Variants in METAP1 observed in about 807,000 individuals in gnomAD.
METAP1 encodes the protein methionine aminopeptidase 1.
A neutral mutation model predicts 53.8 loss-of-function variants in METAP1; 28 were observed. The ratio of observed to expected loss-of-function variants is 0.52; its 90% confidence interval spans 0.39 to 0.71. The LOEUF is 0.71. Among genes scored for constraint, METAP1 ranks in the 30% least tolerant of loss-of-function variants. The pLI is 0.00. For synonymous variants in METAP1, 181 were observed against 165.7 expected (o/e 1.09, Z -0.71); for missense variants, 389 against 479.8 (o/e 0.81, Z 1.77).
At chr4:99,037,635 A>G (rs892783803) in intron 4 of METAP1, 9 of 151,856 alleles carry the variant, frequency 5.9e-5, no homozygotes, top group Admixed American at 2.6e-4. Flanking sequence ...CTTTAGGTCT[A>G]TTTCTGGATT....
At chr4:99,040,228 G>T (rs1434252178) in intron 5 of METAP1, among the ~76,000 whole-genome samples, 1 of 152,158 alleles carries the variant, frequency 6.6e-6, no homozygotes, top group African/African-American at 2.4e-5. Flanking sequence ...AAGGCTCAGA[G>T]GGTTATGCTG....
intron 1 of METAP1, chr4:99,026,288 A>G: frequency 1.0e-6 from 1 of 984,754 alleles, no homozygotes; most frequent in Non-Finnish European, 1.2e-6. Context: ...CCTACTAGTT[A>G]TAATAATGCT....
In METAP1 at chr4:99,052,543, C is replaced by T. The variant is rs1330710468; in HGVS notation, c.931+3667C>T. Among the ~76,000 whole-genome samples, 19 of 152,106 alleles carry T rather than the reference C, an allele frequency of 1.2e-4. 1 individual carries two copies. Among genetic ancestry groups the T allele is most frequent in the Non-Finnish European group, 2.1e-4 (14 of 68,032 alleles). ...GAGAGAGAGTGCATGGGAGGAGAAA[C>T]AACCAGATCTCATGACAACTCATTC... On this transcript the variant is annotated intron_variant, in intron 9 of 10. Coordinates refer to ENST00000296411, the MANE Select transcript of METAP1 (RefSeq NM_015143.3).
intron 9 of METAP1, among the ~76,000 whole-genome samples, chr4:99,053,100 GT>G (rs938517214): frequency 6.6e-6 from 1 of 152,212 alleles, no homozygotes; most frequent in Admixed American, 6.5e-5. Flanking sequence ...CACATCTGCA[GT>G]TACTTGCTCC....
At chr4:99,024,297 C>CT (rs1445235857) in intron 1 of METAP1, among the ~76,000 whole-genome samples, 1 of 152,208 alleles carries the variant, frequency 6.6e-6, no homozygotes, top group East Asian at 1.9e-4. Context: ...GAATTGCTCA[C>CT]TTGGAGAGCT....
chr4:99,023,359 G>T (rs765579323), intron 1 of METAP1: 14 of 853,332 alleles, frequency 1.6e-5, no homozygotes, highest in Non-Finnish European at 1.4e-5. Context: ...CTGGGTCAAA[G>T]TATTTTTTTT....
chr4:99,005,004 C>G (rs1291635811), intron 1 of METAP1, among the ~76,000 whole-genome samples: 4 of 152,040 alleles, frequency 2.6e-5, no homozygotes, highest in Admixed American at 6.5e-5. Flanking sequence ...TTCTTGGTGC[C>G]TGTTTGTAAA....
At chr4:99,049,271 T>C (rs954937751) in intron 9 of METAP1, among the ~76,000 whole-genome samples, 1 of 152,178 alleles carries the variant, frequency 6.6e-6, no homozygotes, top group African/African-American at 2.4e-5. Context: ...TATTTTCCAT[T>C]GGCAGGAATT....
intron 1 of METAP1, chr4:99,026,108 G>T: frequency 2.3e-6 from 1 of 429,384 alleles, no homozygotes; most frequent in Non-Finnish European, 3.1e-6. Flanking sequence ...CATGTTGTCA[G>T]TACTCCCTGA....
chr4:99,023,126 C>T, intron 1 of METAP1: 1 of 927,484 alleles, frequency 1.1e-6, no homozygotes, highest in Non-Finnish European at 1.6e-6. Flanking sequence ...ATTCCTCTGC[C>T]TCCGTGTTGA....
At chr4:99,058,783 G>T (rs1727328663) in intron 10 of METAP1, among the ~76,000 whole-genome samples, 1 of 152,190 alleles carries the variant, frequency 6.6e-6, no homozygotes, top group African/African-American at 2.4e-5. Context: ...AGGAGGCTGG[G>T]GATCACTGAA....
At chr4:99,032,913 A>G (rs745937890) in intron 2 of METAP1, among the ~76,000 whole-genome samples, 2 of 152,212 alleles carry the variant, frequency 1.3e-5, no homozygotes, top group African/African-American at 2.4e-5. Context: ...ATATTTTAAA[A>G]TTCAATAGCA....
chr4:99,030,896 G>A (rs919873272), intron 2 of METAP1, among the ~76,000 whole-genome samples: 7 of 151,636 alleles, frequency 4.6e-5, no homozygotes, highest in African/African-American at 1.7e-4. Flanking sequence ...GAGCAATTCT[G>A]GACTCTTAAA....
At chr4:99,031,101 G>GTTTTTTTT (rs56082818) in intron 2 of METAP1, among the ~76,000 whole-genome samples, 202 of 109,684 alleles carry the variant, frequency 1.8e-3, no homozygotes, top group Non-Finnish European at 2.4e-3. Flanking sequence ...CTCAAAGGTA[G>GTTTTTTTT]TTTTTTTTTT....
intron 9 of METAP1, among the ~76,000 whole-genome samples, chr4:99,056,773 G>A (rs1480391593): frequency 6.6e-6 from 1 of 152,072 alleles, no homozygotes; most frequent in Non-Finnish European, 1.5e-5. Flanking sequence ...GTTTCACCAT[G>A]TTGGCCAGGA....
intron 4 of METAP1, 67 bp downstream of exon 4, chr4:99,035,527 G>C: frequency 8.2e-7 from 1 of 1,214,698 alleles, no homozygotes; most frequent in African/African-American, 1.5e-5. Context: ...CAAAGGGAAG[G>C]AATGCTTTTC....
rs1724330585 is a variant in METAP1, at chr4:99,023,891, G to T, written c.115-4976G>T. On this transcript the variant is annotated intron_variant, in intron 1 of 10. Transcript: ENST00000296411. ...AGAGAAAGAGTTACTTATTCATGCA[G>T]AGCCAGCTGTGTGGGAGATGGGAGT... The T allele has an allele frequency of 4.6e-6, 3 of 653,298 alleles. No individual in the cohort carries two copies. The South Asian group carries it at 2.1e-4, about 45-fold the overall frequency. The allele number at this position is 653,298 out of a possible 1,614,324, so 40.5% of individuals were successfully genotyped here.
intron 1 of METAP1, among the ~76,000 whole-genome samples, chr4:99,017,343 C>G (rs1723824805): frequency 6.6e-6 from 1 of 152,256 alleles, no homozygotes; most frequent in South Asian, 2.1e-4. Flanking sequence ...AAGGGCCTGA[C>G]TGAGAGCAAA....
chr4:99,001,995 T>C (rs1722946988), intron 1 of METAP1, among the ~76,000 whole-genome samples: 1 of 152,212 alleles, frequency 6.6e-6, no homozygotes, highest in South Asian at 2.1e-4. Context: ...GTTATACCAG[T>C]CTTTGAGTTA....
Sources: allele counts gnomAD v4.1 joint callset (sites outside exome capture counted in the v4.1 genomes callset), GRCh38; gene constraint gnomAD v4.1.1; transcripts MANE v1.5; gene names NCBI Gene and HGNC (gene_info 2026-07-23, HGNC 2026-07-21).